Variants in SALL2 observed in about 807,000 individuals in gnomAD.
SALL2 encodes sal-like protein 2.
Under a neutral mutation model 58.5 loss-of-function variants are expected in SALL2, and 32 were observed. The observed-to-expected ratio is 0.55, with a 90% CI of 0.41 to 0.74. The LOEUF is 0.74. Among genes scored for constraint, SALL2 ranks in the 30% least tolerant of loss-of-function variants. The pLI, the probability that SALL2 is intolerant of heterozygous loss-of-function variation, is 0.00. For synonymous variants in SALL2, 516 were observed against 513.6 expected, an observed-to-expected ratio of 1.00 and a Z score of -0.06; for missense variants, 1,201 against 1,268.9, an observed-to-expected ratio of 0.95 and a Z score of 0.81.
Position 21,525,686 on chromosome 14 carries a change from T to G in SALL2, c.68-32A>C. 2 of 1,536,306 alleles carry G rather than the reference T, an allele frequency of 1.3e-6. No individual in the cohort carries two copies. Among genetic ancestry groups the G allele is most frequent in the Non-Finnish European group, 1.8e-6 (2 of 1,140,870 alleles). On this transcript the variant is annotated intron_variant, in intron 1 of 1. Transcript: ENST00000537235. This position sits in a 1 kb window ranked among gnomAD's most constrained non-coding sequence, Gnocchi z 4.4. ...AGAAGACAAGGAGAGAGAGCGTGGG[T>G]GGCGCAGTTGGGTTGGGTATACCGA...
At position 21,523,010 on chromosome 14, in the gene SALL2, C is replaced by A. The variant is rs61736009; in HGVS notation, c.2712G>T (p.Glu904Asp). The A allele has an allele frequency of 9.9e-6, 16 of 1,614,020 alleles. No homozygotes were observed. Among genetic ancestry groups the A allele is most frequent in the Non-Finnish European group, 1.4e-5 (16 of 1,180,036 alleles). ...CTTCGCAGGCCTTTCTGCTGCTGCT[C>A]TCTCCTGGCTCCTTTCTCATTGCCT... ...LQEAMRKEPG[E>D]SSSRKACEVC... Residue 904 changes from glutamate to aspartate, a missense_variant, in exon 2 of 2, where the codon GAG (glutamate) becomes GAT (aspartate). This residue lies in a region of SALL2 where 675 missense variants were observed against 683.8 expected (regional missense o/e 0.99). Coordinates refer to ENST00000537235, the MANE Select transcript of SALL2 (RefSeq NM_001364564.1). This position sits in a 1 kb window ranked among gnomAD's most constrained non-coding sequence, Gnocchi z 4.4.
rs1892306485 is a variant in SALL2 at position 21,526,258 on chromosome 14, G to A, written c.-131C>T. The A allele has an allele frequency of 2.1e-6, 3 of 1,446,990 alleles. No individual in the cohort carries two copies. The highest frequency in any genetic ancestry group is 2.7e-6 in the Non-Finnish European group (3 of 1,103,272). The allele number at this position is 1,446,990 out of a possible 1,614,324, so 89.6% of individuals were successfully genotyped here. On this transcript the variant is annotated 5_prime_UTR_variant, in exon 1 of 2. Coordinates refer to ENST00000537235, the MANE Select transcript of SALL2 (RefSeq NM_001364564.1). The stretch of plus-strand genomic sequence containing the variant: ...CAGACTGCGGAGATGGAGATCGGCA[G>A]CGGCGGGGGCAGGGAGCAGCGGCGG...
At position 21,523,927 on chromosome 14, in the gene SALL2, G is replaced by T. The variant is rs768526871; in HGVS notation, c.1795C>A (p.Arg599=). The T allele has an allele frequency of 1.2e-6, 2 of 1,614,040 alleles. No homozygotes were observed. The highest frequency in any genetic ancestry group is 1.7e-6 in the Non-Finnish European group (2 of 1,180,032). ...GAGGTCACCGCCACAGCTCCTTGCC[G>T]GTCAATCTTTTCTACCAGTTGCTGC... ...KLQQLVEKID[R]QGAVAVTSAA... is the part of the protein sequence containing the mutation. Residue 599 remains arginine (R), a synonymous_variant, in exon 2 of 2, where the codon CGG becomes AGG. Coordinates refer to ENST00000537235, the MANE Select transcript of SALL2 (RefSeq NM_001364564.1). The surrounding 1 kb of genome is among the most constrained non-coding windows in gnomAD (Gnocchi z 4.4).
chr14:21,531,832 C>T (rs189030927), intron 1 of SALL2, among the ~76,000 whole-genome samples: 274 of 151,806 alleles, frequency 1.8e-3, no homozygotes, highest in African/African-American at 6.3e-3. Flanking sequence ...TGGGTTCAAA[C>T]GATTTTCCTG....
At position 21,522,924 on chromosome 14, in the gene SALL2, T is replaced by C. The variant is rs1329038852; in HGVS notation, c.2798A>G (p.Lys933Arg). ...ALEEHQKTHP[K>R]EGPLFTCVFC... ...AACACAAGTGAAGAGCGGCCCCTCC[T>C]TGGGGTGGGTCTTCTGATGCTCCTC... Residue 933 changes from lysine to arginine, a missense_variant, in exon 2 of 2, where the codon AAG (lysine) becomes AGG (arginine). Physicochemically the swap from Lys to Arg is conservative, Grantham distance 26. Transcript: ENST00000537235. 8 of 1,613,778 alleles carry C rather than the reference T, an allele frequency of 5.0e-6. No homozygotes were observed. In the Admixed American group the frequency reaches 1.3e-4, roughly 27 times the overall value.
intron 1 of SALL2, among the ~76,000 whole-genome samples, chr14:21,536,308 C>CA (rs1485128332): frequency 6.6e-6 from 1 of 152,166 alleles, no homozygotes; most frequent in Non-Finnish European, 1.5e-5. Context: ...GACACGCATA[C>CA]ACACCCCAAA....
upstream of SALL2, among the ~76,000 whole-genome samples, chr14:21,527,153 A>T (rs1424175944): frequency 6.6e-6 from 1 of 152,050 alleles, no homozygotes; most frequent in Non-Finnish European, 1.5e-5. Flanking sequence ...GTTTGGGGAG[A>T]CGCTAGCCTG....
Position 21,524,006 on chromosome 14 carries a change from G to A in SALL2, c.1716C>T (p.Pro572=). 6.2e-7 allele frequency: 1 copy of A among 1,614,246 alleles called. No homozygotes were observed. Among genetic ancestry groups the A allele is most frequent in the Non-Finnish European group, 8.5e-7 (1 of 1,180,042 alleles). Residue 572 remains proline, a synonymous_variant, in exon 2 of 2, where the codon CCC becomes CCT. Coordinates refer to ENST00000537235, the MANE Select transcript of SALL2 (RefSeq NM_001364564.1). ...CCAAGGGCTCTAGCACATAGGGGAAGGGGAAGCTGCCAGTGGACTTGAAGT... is the reference window on the plus strand; with the variant it reads ...CCAAGGGCTCTAGCACATAGGGGAAAGGGAAGCTGCCAGTGGACTTGAAGT... ...TNHFKSTGSF[P]FPYVLEPLGA...
chr14:21,526,445 G>T (rs530830165), upstream of SALL2: 1,989 of 1,330,712 alleles, frequency 1.5e-3, no homozygotes, highest in Admixed American at 2.4e-3. Context: ...GCGGGGGCGT[G>T]GGGGCGGGAG....
rs779900103 is a variant in SALL2, at chr14:21,524,309, C to A, written c.1413G>T (p.Glu471Asp). The change falls in exon 2 of 2, where the codon GAG (glutamate) becomes GAT (aspartate). Residue 471 changes from glutamate (E) to aspartate (D), a missense_variant. By Grantham distance (45) the Glu-to-Asp change is conservative. Coordinates refer to ENST00000537235, the MANE Select transcript of SALL2 (RefSeq NM_001364564.1). ...EEAATPGGGV[E>D]RKPLVASTTA... is the part of the protein sequence containing the mutation. ...TTGTGGAGGCCACCAGAGGCTTGCG[C>A]TCAACCCCTCCACCTGGAGTGGCTG... The A allele has an allele frequency of 1.9e-6, 3 of 1,613,864 alleles. No individual in the cohort carries two copies. In the East Asian group the frequency reaches 6.7e-5, roughly 36 times the overall value.
In SALL2 at chr14:21,525,259, T is replaced by C. The variant is rs759655603; in HGVS notation, c.463A>G (p.Thr155Ala). ...GGTGGAGGAGGAGGGGGTGCAGGGG[T>C]CGATTCTGGAGGTAATGGGGTTGCT... ...LGATPLPPES[T>A]PAPPPPPPPP... The change falls in exon 2 of 2, where the codon ACC (threonine) becomes GCC (alanine). Residue 155 changes from threonine (T) to alanine (A), a missense_variant. Around this residue, in one of 3 missense-constraint regions of SALL2, gnomAD observed 467 missense variants for 468.9 expected, o/e 1.00. Transcript: ENST00000537235. This position sits in a 1 kb window ranked among gnomAD's most constrained non-coding sequence, Gnocchi z 4.4. The C allele has an allele frequency of 3.6e-5, 58 of 1,610,876 alleles. No individual in the cohort carries two copies. In the East Asian group the frequency reaches 1.3e-3, roughly 36 times the overall value.
rs779900503 is a variant in SALL2, at chr14:21,522,132, G to A, written c.*572C>T. 3.8e-6 allele frequency: 6 copies of A among 1,598,070 alleles called. No homozygotes were observed. The Admixed American group carries it at 8.3e-5, about 22-fold the overall frequency. On this transcript the variant is annotated 3_prime_UTR_variant, in exon 2 of 2. Transcript: ENST00000537235. ...TGTTGGAGGCACCTTCCCAGCCACA[G>A]TTCCTAGGCCAAACAGCACTGGTGG...
At position 21,525,944 on chromosome 14, in the gene SALL2, G is replaced by A; in HGVS notation, c.67+117C>T. 1 of 1,041,026 alleles carries A rather than the reference G, an allele frequency of 9.6e-7. No individual in the cohort carries two copies. The highest frequency in any genetic ancestry group is 1.4e-6 in the Non-Finnish European group (1 of 701,744). The allele number at this position is 1,041,026 out of a possible 1,614,324, so 64.5% of individuals were successfully genotyped here. ...CAAGCGAGTTCACGGAATAGGTGTG[G>A]GGACAGGGGCCTACGCAGAGAATCA... On this transcript the variant is annotated intron_variant, in intron 1 of 1. Transcript: ENST00000537235. This position sits in a 1 kb window ranked among gnomAD's most constrained non-coding sequence, Gnocchi z 4.4.
rs868529350 is a variant in SALL2 at position 21,526,031 on chromosome 14, C to T, written c.67+30G>A. 7 of 1,518,108 alleles carry T rather than the reference C, an allele frequency of 4.6e-6. No individual in the cohort carries two copies. In the South Asian group the frequency reaches 6.0e-5, roughly 13 times the overall value. 94.0% of individuals were successfully genotyped at this position (1,518,108 alleles called of 1,614,324 possible). On this transcript the variant is annotated intron_variant, in intron 1 of 1. Transcript: ENST00000537235. ...CCTGCGCATCCCCCTCCGCCCCCAC[C>T]CCTGCCCAGCCCGACCGACCCTACC...
At chr14:21,536,468 A>G (rs574698002) in intron 1 of SALL2, among the ~76,000 whole-genome samples, 4 of 152,248 alleles carry the variant, frequency 2.6e-5, no homozygotes, top group Admixed American at 2.6e-4. Context: ...CCAACTCTCC[A>G]GAAAGAAAAG....
chr14:21,535,628 T>C (rs1029283530), intron 1 of SALL2, among the ~76,000 whole-genome samples: 7 of 152,244 alleles, frequency 4.6e-5, no homozygotes, highest in Admixed American at 3.9e-4. Context: ...AACTGAAGCA[T>C]AGAGAGGCAA....
At chr14:21,531,029 A>G (rs1892448117), upstream of SALL2, among the ~76,000 whole-genome samples, 1 of 151,886 alleles carries the variant, frequency 6.6e-6, no homozygotes, top group South Asian at 2.1e-4. Flanking sequence ...TCTCCTCCTT[A>G]CTCCTCTTTC....
upstream of SALL2, among the ~76,000 whole-genome samples, chr14:21,530,390 C>T (rs1400489110): frequency 6.9e-5 from 10 of 145,358 alleles, 1 homozygote; most frequent in Middle Eastern, 7.7e-3. Flanking sequence ...CAGGTTCAAG[C>T]GATTCTCCTG....
Position 21,525,782 on chromosome 14 carries a change from G to A in SALL2, c.68-128C>T, listed in dbSNP as rs2139674091. On this transcript the variant is annotated intron_variant, in intron 1 of 1. Coordinates refer to ENST00000537235, the MANE Select transcript of SALL2 (RefSeq NM_001364564.1). This position sits in a 1 kb window ranked among gnomAD's most constrained non-coding sequence, Gnocchi z 4.4. The stretch of plus-strand genomic sequence containing the variant: ...GAGATGAGCTCACCATCAGGGCCAT[G>A]CAGAAGTCTAGAGCTCAGGCCTGAT... The A allele has an allele frequency of 1.0e-6, 1 of 987,700 alleles. No homozygotes were observed. Among genetic ancestry groups the A allele is most frequent in the Non-Finnish European group, 1.4e-6 (1 of 717,152 alleles). 61.2% of individuals were successfully genotyped at this position (987,700 alleles called of 1,614,324 possible).
Sources: allele counts gnomAD v4.1 joint callset (sites outside exome capture counted in the v4.1 genomes callset), GRCh38; gene constraint gnomAD v4.1.1; regional missense constraint gnomAD v4.1.1; non-coding constraint Gnocchi (gnomAD v3.1); transcripts MANE v1.5; gene names NCBI Gene and HGNC (gene_info 2026-07-23, HGNC 2026-07-21).